The following ASIC2 variants were observed in gnomAD, a reference collection of about 807,000 sequenced individuals.
The protein encoded by ASIC2 is acid-sensing ion channel 2.
In ASIC2, 25 loss-of-function variants were observed where a neutral mutation model predicts 57.3. The observed-to-expected ratio is 0.44, with a 90% CI of 0.32 to 0.61. The LOEUF (loss-of-function observed/expected upper bound fraction) is 0.61, where lower values mean the gene tolerates loss of function less well. Among genes scored for constraint, ASIC2 ranks in the 20% least tolerant of loss-of-function variants. The pLI is 0.06. For missense variants in ASIC2, 641 were observed against 738.1 expected (o/e 0.87, Z 1.52); for synonymous variants, 319 against 307.5 (o/e 1.04, Z -0.39).
chr17:34,052,506 A>G (rs186322355), intron 1 of ASIC2, among the ~76,000 whole-genome samples: 2 of 152,126 alleles, frequency 1.3e-5, no homozygotes, highest in Non-Finnish European at 2.9e-5. Flanking sequence ...GACTGTATAC[A>G]TGCTGCACTT....
chr17:34,129,631 T>C (rs1386295041), intron 1 of ASIC2, among the ~76,000 whole-genome samples: 5 of 152,232 alleles, frequency 3.3e-5, no homozygotes, highest in Non-Finnish European at 7.3e-5. Flanking sequence ...TCACAGTACC[T>C]GTCAACCACA....
intron 1 of ASIC2, among the ~76,000 whole-genome samples, chr17:33,242,065 T>A (rs1481267879): frequency 6.6e-6 from 1 of 152,188 alleles, no homozygotes; most frequent in African/African-American, 2.4e-5. Flanking sequence ...ACGCCTGTAA[T>A]CCCAGCACTT....
At chr17:33,435,376 A>G (rs1246560692) in intron 1 of ASIC2, among the ~76,000 whole-genome samples, 1 of 152,184 alleles carries the variant, frequency 6.6e-6, no homozygotes, top group Non-Finnish European at 1.5e-5. Flanking sequence ...AACCACCATA[A>G]TCTAAAGGAT....
intron 1 of ASIC2, chr17:34,005,019 A>C (rs1428312559): frequency 6.6e-6 from 1 of 152,112 alleles, no homozygotes; most frequent in Non-Finnish European, 1.5e-5. Flanking sequence ...CTGATGCTAG[A>C]CTAGACCTAA....
chr17:33,669,767 T>C (rs965326680), intron 1 of ASIC2, among the ~76,000 whole-genome samples: 5 of 152,258 alleles, frequency 3.3e-5, no homozygotes, highest in Non-Finnish European at 7.3e-5. Flanking sequence ...TGTTTGGTTT[T>C]TGCTGCTGCA....
intron 1 of ASIC2, among the ~76,000 whole-genome samples, chr17:33,303,260 G>A (rs1173933157): frequency 1.3e-5 from 2 of 152,198 alleles, no homozygotes; most frequent in Non-Finnish European, 2.9e-5. Flanking sequence ...AAACCCTTGG[G>A]GGAGATGAAG....
At position 34,109,053 on chromosome 17, in the gene ASIC2, T is replaced by TA. The variant is rs976759513; in HGVS notation, c.555+46924_555+46925insT. 8.3e-3 allele frequency among the ~76,000 whole-genome samples: 1,249 copies of TA among 150,908 alleles called. 13 individuals carry two copies. The highest frequency in any genetic ancestry group is 0.028 in the African/African-American group (1,160 of 41,172). On this transcript the variant is annotated intron_variant, in intron 1 of 9. Coordinates refer to the ASIC2 transcript ENST00000359872. ...TGATTTATTTTATTTTATTTTATTT[T>TA]TATTTTATTTTATTATTATTATACT...
chr17:33,840,238 T>G (rs967784201), intron 1 of ASIC2, among the ~76,000 whole-genome samples: 1 of 152,066 alleles, frequency 6.6e-6, no homozygotes, highest in Non-Finnish European at 1.5e-5. Context: ...CTTATTACAG[T>G]GTGGTGGGGA....
Position 33,685,106 on chromosome 17 carries a change from CCCCCTG to C in ASIC2, c.555+470866_555+470871del, listed in dbSNP as rs1335338578. 5.3e-5 allele frequency among the ~76,000 whole-genome samples: 8 copies of C among 151,934 alleles called. No individual in the cohort carries two copies. In the South Asian group the frequency reaches 1.7e-3, roughly 32 times the overall value. ...TTGGTCTAGTCCTCACGTTCTGGTT[CCCCCTG>C]GGGGGGCTTAGTCTTTCACTGAGAG... On this transcript the variant is annotated intron_variant, in intron 1 of 9. Transcript: ENST00000359872.
At chr17:33,342,388 T>G (rs1597690756) in intron 1 of ASIC2, among the ~76,000 whole-genome samples, 1 of 151,636 alleles carries the variant, frequency 6.6e-6, no homozygotes, top group East Asian at 1.9e-4. Context: ...TTGTGCAGGT[T>G]TATGTGTGTG....
chr17:33,242,071 C>A (rs1190589458), intron 1 of ASIC2, among the ~76,000 whole-genome samples: 1 of 152,192 alleles, frequency 6.6e-6, no homozygotes, highest in Non-Finnish European at 1.5e-5. Flanking sequence ...GTAATCCCAG[C>A]ACTTTGGGAG....
intron 1 of ASIC2, among the ~76,000 whole-genome samples, chr17:33,138,569 G>A (rs2092375030): frequency 6.6e-6 from 1 of 152,160 alleles, no homozygotes; most frequent in African/African-American, 2.4e-5. Context: ...ATTTTTTGAT[G>A]AGGAAATAAT....
intron 1 of ASIC2, among the ~76,000 whole-genome samples, chr17:34,053,007 C>A (rs1324851722): frequency 6.6e-6 from 1 of 152,014 alleles, no homozygotes; most frequent in Middle Eastern, 3.2e-3. Flanking sequence ...ATACTTAGTT[C>A]TCATGCACCA....
chr17:33,269,153 C>T (rs148812399), intron 1 of ASIC2, among the ~76,000 whole-genome samples: 64 of 152,314 alleles, frequency 4.2e-4, no homozygotes, highest in South Asian at 3.3e-3. Flanking sequence ...CCATATTACC[C>T]CAGATTCAGA....
chr17:33,882,292 G>A (rs990829052), intron 1 of ASIC2, among the ~76,000 whole-genome samples: 1 of 152,144 alleles, frequency 6.6e-6, no homozygotes, highest in African/African-American at 2.4e-5. Context: ...CTTCTGCACA[G>A]CAAAAGAAAC....
intron 1 of ASIC2, among the ~76,000 whole-genome samples, chr17:33,601,827 C>T (rs1015310799): frequency 6.6e-6 from 1 of 152,196 alleles, no homozygotes; most frequent in Non-Finnish European, 1.5e-5. Flanking sequence ...CTTGTGTGCC[C>T]GGGATGCAGG....
chr17:33,059,895 T>C (rs1345309736), intron 3 of ASIC2, among the ~76,000 whole-genome samples: 3 of 152,264 alleles, frequency 2.0e-5, no homozygotes, highest in African/African-American at 4.8e-5. Context: ...TTGATTTGCA[T>C]TTCTCTAATG....
rs1905579316 is a variant in ASIC2 at position 33,293,205 on chromosome 17, G to A, written c.-1090C>T. On this transcript the variant is annotated 5_prime_UTR_variant, in exon 1 of 10. Transcript: ENST00000225823. The stretch of plus-strand genomic sequence containing the variant: ...CCGGTTGCCCGGGAGAACCCTCTTT[G>A]GGCCCCAGGCGAACTTGGGCAGCGG... Among the ~76,000 whole-genome samples the A allele has an allele frequency of 6.6e-6, 1 of 152,124 alleles. No individual in the cohort carries two copies. Among genetic ancestry groups the A allele is most frequent in the Admixed American group, 6.5e-5 (1 of 15,286 alleles).
chr17:33,903,432 C>A (rs1208555454), intron 1 of ASIC2, among the ~76,000 whole-genome samples: 2 of 152,216 alleles, frequency 1.3e-5, no homozygotes, highest in Admixed American at 1.3e-4. Flanking sequence ...AGGTGTCCCA[C>A]AAATAAAGTA....
Sources: allele counts gnomAD v4.1 joint callset (sites outside exome capture counted in the v4.1 genomes callset), GRCh38; gene constraint gnomAD v4.1.1; transcripts MANE v1.5; gene names NCBI Gene and HGNC (gene_info 2026-07-23, HGNC 2026-07-21).